DENND4C: variants seen among roughly 807,000 people sequenced by gnomAD.
DENND4C encodes DENN domain containing 4C.
A neutral mutation model predicts 203.0 loss-of-function variants in DENND4C; 108 were observed. The observed-to-expected ratio is 0.53, with a 90% CI of 0.46 to 0.62. The LOEUF (loss-of-function observed/expected upper bound fraction) is 0.62. Among genes scored for constraint, DENND4C ranks in the 20% least tolerant of loss-of-function variants. The pLI, the probability that DENND4C is intolerant of heterozygous loss-of-function variation, is 0.00. For synonymous variants in DENND4C, 871 were observed against 792.4 expected (o/e 1.10, Z -1.67); for missense variants, 2,481 against 2,301.2 (o/e 1.08, Z -1.60).
chr9:19,234,015 A>G (rs1165945648), intron 1 of DENND4C, among the ~76,000 whole-genome samples: 1 of 152,232 alleles, frequency 6.6e-6, no homozygotes, highest in Non-Finnish European at 1.5e-5. Context: ...ATAATGTAGT[A>G]GTATAATATT....
chr9:19,335,169 T>TATTTCATGAATAGG, intron 18 of DENND4C, 64 bp downstream of exon 18: 1 of 1,213,702 alleles, frequency 8.2e-7, no homozygotes, highest in South Asian at 2.9e-5. Flanking sequence ...TGTATACCTT[T>TATTTCATGAATAGG]AGTTATTCAT....
intron 21 of DENND4C, among the ~76,000 whole-genome samples, chr9:19,342,046 C>G (rs938144491): frequency 4.7e-5 from 7 of 150,090 alleles, no homozygotes; most frequent in Admixed American, 3.3e-4. Flanking sequence ...GTCATTTGAA[C>G]CTGGGAAGCG....
chr9:19,253,092 C>G lies in DENND4C; in HGVS notation c.-18+22259C>G, dbSNP rs149115560. Among the ~76,000 whole-genome samples, 27 of 152,328 alleles carry G rather than the reference C, an allele frequency of 1.8e-4. No individual in the cohort carries two copies. The East Asian group carries it at 5.2e-3, about 29-fold the overall frequency. Reference sequence around the variant, plus strand: ...AGTGATTCCTCTCTTGACTTTTAACCTTTAGATGCATATGCCTTCTTACGT... The same window carrying G: ...AGTGATTCCTCTCTTGACTTTTAACGTTTAGATGCATATGCCTTCTTACGT... On this transcript the variant is annotated intron_variant, in intron 1 of 32. Transcript: ENST00000434457.
At chr9:19,303,913 C>T (rs1839109577) in intron 9 of DENND4C, among the ~76,000 whole-genome samples, 2 of 151,452 alleles carry the variant, frequency 1.3e-5, no homozygotes, top group African/African-American at 4.8e-5. Flanking sequence ...GGGTCTCACT[C>T]TGTTGTCCAG....
intron 1 of DENND4C, among the ~76,000 whole-genome samples, chr9:19,255,273 T>C (rs1424563572): frequency 6.6e-6 from 1 of 151,944 alleles, no homozygotes; most frequent in Non-Finnish European, 1.5e-5. Flanking sequence ...GATATGGTGG[T>C]GCGTGCCTGT....
chr9:19,287,027 A>T lies in DENND4C; in HGVS notation c.558+6A>T. On this transcript the variant is annotated splice_donor_region_variant and intron_variant, in intron 3 of 32. Transcript: ENST00000434457. The stretch of plus-strand genomic sequence containing the variant: ...AAAACTTAAATTGTGGAATGGTAAG[A>T]ATAAAGTTTTCATCTTCAAAGTTTC... The T allele has an allele frequency of 8.1e-7, 1 of 1,232,086 alleles. No homozygotes were observed. Among genetic ancestry groups the T allele is most frequent in the Non-Finnish European group, 1.0e-6 (1 of 987,938 alleles). 76.3% of individuals were successfully genotyped at this position (1,232,086 alleles called of 1,614,324 possible).
At chr9:19,291,101 C>T (rs1564124543) in intron 5 of DENND4C, among the ~76,000 whole-genome samples, 2 of 152,128 alleles carry the variant, frequency 1.3e-5, no homozygotes, top group African/African-American at 2.4e-5. Context: ...TCTGGATAGA[C>T]ACCTTCAAAA....
At chr9:19,237,005 G>A (rs1588706072) in intron 1 of DENND4C, among the ~76,000 whole-genome samples, 2 of 151,902 alleles carry the variant, frequency 1.3e-5, no homozygotes, top group Admixed American at 1.3e-4. Context: ...CTTATTATTT[G>A]GGCAATTATA....
chr9:19,259,554 G>A (rs1828852900), intron 1 of DENND4C, among the ~76,000 whole-genome samples: 1 of 148,718 alleles, frequency 6.7e-6, no homozygotes, highest in African/African-American at 2.5e-5. Flanking sequence ...GCCCAGGCTG[G>A]AGTGCAGTGG....
chr9:19,370,532 A>G (rs1828605667), intron 31 of DENND4C, among the ~76,000 whole-genome samples: 1 of 152,360 alleles, frequency 6.6e-6, no homozygotes. Flanking sequence ...TCTTTTGGAA[A>G]CATTACTGCT....
Position 19,357,155 on chromosome 9 carries a change from G to T in DENND4C, c.4964+1G>T. ...AAACAGGCTCTGCAGTTGAACCAAG[G>T]TATCAAAGGGTACAGAGACCTCTTT... is the stretch of plus-strand genomic sequence containing the variant. On this transcript the variant is annotated splice_donor_variant, in intron 27 of 32. Transcript: ENST00000434457. LOFTEE classifies it high-confidence loss of function. The T allele has an allele frequency of 6.2e-7, 1 of 1,613,716 alleles. No individual in the cohort carries two copies. The highest frequency in any genetic ancestry group is 8.5e-7 in the Non-Finnish European group (1 of 1,179,754).
In DENND4C at chr9:19,332,101, T is replaced by A; in HGVS notation, c.2377T>A (p.Ser793Thr). ...TTGTCTTCCGGCCTATGTTAGAGTT[T>A]CTCATCCTAAAGTCAGAGCACTTCA... is the stretch of plus-strand genomic sequence containing the variant. ...FICLPAYVRV[S>T]HPKVRALQQA... Residue 793 changes from serine to threonine, a missense_variant, in exon 17 of 33, where the codon TCT becomes ACT. By Grantham distance (58) the Ser-to-Thr change is moderately conservative. This residue lies in a region of DENND4C where 2,289 missense variants were observed against 2,113.3 expected (regional missense o/e 1.08). Transcript: ENST00000434457. 6.2e-7 allele frequency: 1 copy of A among 1,614,124 alleles called. No homozygotes were observed. Among genetic ancestry groups the A allele is most frequent in the Admixed American group, 1.7e-5 (1 of 60,022 alleles).
intron 4 of DENND4C, among the ~76,000 whole-genome samples, chr9:19,289,551 G>A (rs1835856615): frequency 6.6e-6 from 1 of 152,162 alleles, no homozygotes; most frequent in African/African-American, 2.4e-5. Flanking sequence ...ACTGTAGGCT[G>A]GGCATGGTGG....
Position 19,301,259 on chromosome 9 carries a change from CT to C in DENND4C, c.1311+930del, listed in dbSNP as rs1838514254. 2.0e-5 allele frequency among the ~76,000 whole-genome samples: 3 copies of C among 152,140 alleles called. No homozygotes were observed. In the South Asian group the frequency reaches 6.2e-4, roughly 32 times the overall value. The stretch of plus-strand genomic sequence containing the variant: ...ATTGTATAGAACTTTAGATGGTCCA[CT>C]TCTCCAACCCTATCACCCATTAGTT... On this transcript the variant is annotated intron_variant, in intron 9 of 32. Transcript: ENST00000434457.
intron 23 of DENND4C, among the ~76,000 whole-genome samples, chr9:19,348,976 T>C (rs1461124058): frequency 6.6e-6 from 1 of 152,078 alleles, no homozygotes; most frequent in African/African-American, 2.4e-5. Context: ...ACTGCTAATA[T>C]TTTATTTTTT....
At position 19,281,467 on chromosome 9, in the gene DENND4C, A is replaced by G. The variant is rs139621077; in HGVS notation, c.305+4988A>G. The stretch of plus-strand genomic sequence containing the variant: ...TTCTGTATTTATAGTAGGAAAGCCT[A>G]TTAGCTACTGGAAATACAGACACCC... On this transcript the variant is annotated intron_variant, in intron 2 of 32. Coordinates refer to ENST00000434457, the MANE Select transcript of DENND4C (RefSeq NM_001330640.2). Among the ~76,000 whole-genome samples, 397 of 152,332 alleles carry G rather than the reference A, an allele frequency of 2.6e-3. 6 individuals are homozygous for G. Among genetic ancestry groups the G allele is most frequent in the Non-Finnish European group, 3.1e-3 (214 of 68,028 alleles).
intron 7 of DENND4C, 82 bp from the exon 8 acceptor site, chr9:19,299,147 A>G (rs1838045274): frequency 4.0e-6 from 4 of 990,708 alleles, no homozygotes; most frequent in Admixed American, 3.0e-5. Flanking sequence ...CTAAATATAT[A>G]GATTTCAAAA....
rs753862919 is a variant in DENND4C at position 19,346,749 on chromosome 9, G to A, written c.3980G>A (p.Ser1327Asn). 4.3e-6 allele frequency: 7 copies of A among 1,614,170 alleles called. No individual in the cohort carries two copies. Among genetic ancestry groups the A allele is most frequent in the Non-Finnish European group, 5.9e-6 (7 of 1,180,032 alleles). Reference protein sequence around the residue: ...AFIHALERRSSLPLDHGSPAQ... With the variant: ...AFIHALERRSNLPLDHGSPAQ... ...ATTCATGCTCTAGAGAGGAGATCAA[G>A]CCTACCTTTAGATCATGGTTCACCA... The change falls in exon 23 of 33, where the codon AGC becomes AAC. Residue 1327 changes from serine (S) to asparagine (N), a missense_variant. This residue lies in a region of DENND4C where 2,289 missense variants were observed against 2,113.3 expected (regional missense o/e 1.08). Transcript: ENST00000434457.
chr9:19,272,633 C>T (rs542076029), intron 1 of DENND4C, among the ~76,000 whole-genome samples: 5 of 152,184 alleles, frequency 3.3e-5, no homozygotes, highest in African/African-American at 1.2e-4. Flanking sequence ...ATTTATACCT[C>T]ACGCCATATG....
Sources: gnomAD v4.1 joint callset for allele counts (sites outside exome capture counted in the v4.1 genomes callset) on GRCh38, gnomAD v4.1.1 for gene constraint, gnomAD v4.1.1 regional missense constraint, MANE v1.5 for transcripts, NCBI Gene and HGNC (gene_info 2026-07-23, HGNC 2026-07-21) for gene names.